The following SPNS2 variants were observed in gnomAD, a reference collection of about 807,000 sequenced individuals.
SPNS2 encodes SPNS lysolipid transporter 2, sphingosine-1-phosphate, also known as sphingosine-1-phosphate transporter SPNS2.
In SPNS2, 37 loss-of-function variants were observed where a neutral mutation model predicts 57.6. That is an observed-to-expected ratio of 0.64 (90% CI 0.49 to 0.85). SPNS2 has a LOEUF of 0.85. SPNS2 is among the 40% of genes least tolerant of loss of function. The pLI is 0.00. For synonymous variants in SPNS2, 440 were observed against 346.9 expected (o/e 1.27, Z -2.98); for missense variants, 831 against 779.1 (o/e 1.07, Z -0.79).
Position 4,536,881 on chromosome 17 carries a change from CCG to C in SPNS2, c.1608-17_1608-16del. On this transcript the variant is annotated splice_polypyrimidine_tract_variant and intron_variant, in intron 11 of 12. Coordinates refer to ENST00000329078, the MANE Select transcript of SPNS2 (RefSeq NM_001124758.3). Reference sequence around the variant, plus strand: ...CCCCGCTGATGCACCACCCTGACCCCCGCCCGTCTCTCCCCCAGGGTGAACCA... The same window carrying C: ...CCCCGCTGATGCACCACCCTGACCCCCCCGTCTCTCCCCCAGGGTGAACCA... 6.2e-7 allele frequency: 1 copy of C among 1,612,590 alleles called. No individual in the cohort carries two copies. The highest frequency in any genetic ancestry group is 1.3e-5 in the African/African-American group (1 of 75,002).
chr17:4,538,713 ACTGG>A lies in SPNS2; in HGVS notation c.*1273_*1276del. ...ACAATGCTCTTCTTGCCCCTTAGTT[ACTGG>A]CTGGCTGTGGCTTCAGTGGTGTGTA... On this transcript the variant is annotated 3_prime_UTR_variant, in exon 13 of 13. Coordinates refer to ENST00000329078, the MANE Select transcript of SPNS2 (RefSeq NM_001124758.3). The A allele has an allele frequency of 1.6e-6, 1 of 630,990 alleles. No individual in the cohort carries two copies. Among genetic ancestry groups the A allele is most frequent in the Non-Finnish European group, 2.8e-6 (1 of 355,028 alleles). The allele number at this position is 630,990 out of a possible 1,614,324, so 39.1% of individuals were successfully genotyped here. A position where few individuals can be genotyped will look rare whatever the true frequency, so the allele number is the denominator to read the frequency against.
chr17:4,538,917 C>A lies in SPNS2; in HGVS notation c.*1469C>A. The A allele has an allele frequency of 1.3e-6, 1 of 782,240 alleles. No homozygotes were observed. Among genetic ancestry groups the A allele is most frequent in the Non-Finnish European group, 2.4e-6 (1 of 419,178 alleles). 48.5% of individuals were successfully genotyped at this position (782,240 alleles called of 1,614,324 possible). A position where few individuals can be genotyped will look rare whatever the true frequency, so the allele number is the denominator to read the frequency against. On this transcript the variant is annotated 3_prime_UTR_variant, in exon 13 of 13. Transcript: ENST00000329078. ...CAGGTCCGAGTGTTGCCTCCTCTTC[C>A]TTCCGGAAGCCAAACTGCTCCTTTA...
intron 2 of SPNS2, 47 bp downstream of exon 2, chr17:4,513,359 C>T (rs951027830): frequency 5.6e-6 from 9 of 1,602,844 alleles, no homozygotes; most frequent in East Asian, 4.5e-5. Context: ...GCGTTGGCGT[C>T]GTGGGTCCTG....
chr17:4,537,390 G>A (rs1905908428), intron 12 of SPNS2, 63 bp from the exon 13 acceptor site: 1 of 398,804 alleles, frequency 2.5e-6, no homozygotes, highest in South Asian at 1.8e-5. Context: ...AGGGAAGGAG[G>A]GAGGGCAGCC....
chr17:4,530,578 G>C, intron 3 of SPNS2, 54 bp from the exon 4 acceptor site: 1 of 1,574,296 alleles, frequency 6.4e-7, no homozygotes, highest in African/African-American at 1.3e-5. Context: ...AACAAGGGAT[G>C]ACAGGCAGAC....
intron 2 of SPNS2, among the ~76,000 whole-genome samples, chr17:4,521,772 G>C (rs571575132): frequency 1.3e-5 from 2 of 152,354 alleles, no homozygotes; most frequent in Admixed American, 1.3e-4. Flanking sequence ...CCTATGGTGA[G>C]TGGCGTCTGT....
chr17:4,515,884 C>G (rs1904972267), intron 2 of SPNS2, among the ~76,000 whole-genome samples: 1 of 152,206 alleles, frequency 6.6e-6, no homozygotes, highest in African/African-American at 2.4e-5. Flanking sequence ...CCTCTTGGGA[C>G]CAGGCAGGAA....
chr17:4,500,065 T>C (rs563149821), intron 1 of SPNS2, among the ~76,000 whole-genome samples: 8 of 152,246 alleles, frequency 5.3e-5, no homozygotes, highest in Non-Finnish European at 1.2e-4. Flanking sequence ...GCTGGCCCTG[T>C]ACAGAGGCCT....
intron 2 of SPNS2, among the ~76,000 whole-genome samples, chr17:4,523,893 C>T (rs979386926): frequency 2.0e-5 from 3 of 152,126 alleles, no homozygotes; most frequent in South Asian, 2.1e-4. Flanking sequence ...TCTCCTCATT[C>T]GAATGAAAGC....
chr17:4,518,509 C>G (rs36126342), intron 2 of SPNS2, among the ~76,000 whole-genome samples: 1 of 152,020 alleles, frequency 6.6e-6, no homozygotes, highest in African/African-American at 2.4e-5. Flanking sequence ...GGCGACAGAG[C>G]GAGACTCCGT....
Position 4,536,887 on chromosome 17 carries a change from GTC to G in SPNS2, c.1608-8_1608-7del. On this transcript the variant is annotated splice_polypyrimidine_tract_variant and intron_variant, in intron 11 of 12. Coordinates refer to ENST00000329078, the MANE Select transcript of SPNS2 (RefSeq NM_001124758.3). ...TGATGCACCACCCTGACCCCCGCCCGTCTCTCCCCCAGGGTGAACCAGCTGGC... is the reference window on the plus strand; with the variant it reads ...TGATGCACCACCCTGACCCCCGCCCGTCTCCCCCAGGGTGAACCAGCTGGC... 6.2e-7 allele frequency: 1 copy of G among 1,612,932 alleles called. No individual in the cohort carries two copies. The highest frequency in any genetic ancestry group is 8.5e-7 in the Non-Finnish European group (1 of 1,179,682).
At chr17:4,502,661 G>T (rs537512476) in intron 1 of SPNS2, among the ~76,000 whole-genome samples, 24 of 152,180 alleles carry the variant, frequency 1.6e-4, no homozygotes, top group Non-Finnish European at 2.9e-4. Context: ...TGCCTCCCGG[G>T]TTGCGTGGGA....
chr17:4,533,672 G>A (rs909578946), intron 8 of SPNS2, 116 bp from the exon 9 acceptor site: 297 of 1,233,288 alleles, frequency 2.4e-4, no homozygotes, highest in Non-Finnish European at 3.1e-4. Flanking sequence ...ATGTGGGCCC[G>A]GGAGGGGTGT....
chr17:4,512,658 G>A lies in SPNS2; in HGVS notation c.371-589G>A, dbSNP rs567563658. ...TGTGTGTGTGTGCGTGCGCGCGCAC[G>A]GGTATGTGTGTGCGCGCGTGGGTGT... On this transcript the variant is annotated intron_variant, in intron 1 of 12. Transcript: ENST00000329078. This position sits in a 1 kb window ranked among gnomAD's most constrained non-coding sequence, Gnocchi z 5.2. Among the ~76,000 whole-genome samples the A allele has an allele frequency of 3.3e-5, 5 of 151,890 alleles. No individual in the cohort carries two copies. The East Asian group carries it at 5.8e-4, about 18-fold the overall frequency.
Position 4,533,505 on chromosome 17 carries a change from C to G in SPNS2, c.1278+73C>G, listed in dbSNP as rs554439583. ...GCGGGAGGGTCTGGAACAGGACATT[C>G]GGTCTGACTTACTGGATGTTCCCTT... On this transcript the variant is annotated intron_variant, in intron 8 of 12. Transcript: ENST00000329078. 116 of 1,443,730 alleles carry G rather than the reference C, an allele frequency of 8.0e-5. No individual in the cohort carries two copies. The African/African-American group carries it at 1.5e-3, about 19-fold the overall frequency. The allele number at this position is 1,443,730 out of a possible 1,614,324, so 89.4% of individuals were successfully genotyped here.
intron 2 of SPNS2, among the ~76,000 whole-genome samples, chr17:4,515,543 AC>A (rs1904962942): frequency 6.6e-6 from 1 of 152,240 alleles, no homozygotes; most frequent in East Asian, 1.9e-4. Flanking sequence ...CCTGTCACCT[AC>A]CCCGGCACAG....
At chr17:4,518,032 G>C (rs1226298803) in intron 2 of SPNS2, among the ~76,000 whole-genome samples, 5 of 152,394 alleles carry the variant, frequency 3.3e-5, no homozygotes, top group Admixed American at 2.6e-4. Context: ...AACGAAGGCT[G>C]TTTGTGGCAC....
intron 1 of SPNS2, among the ~76,000 whole-genome samples, chr17:4,503,273 C>G (rs1472052843): frequency 6.6e-6 from 1 of 152,250 alleles, no homozygotes; most frequent in Admixed American, 6.5e-5. Context: ...AGAGGCTCTG[C>G]TGGCTTAGGC....
chr17:4,536,519 G>T, intron 11 of SPNS2, 93 bp downstream of exon 11: 1 of 1,428,810 alleles, frequency 7.0e-7, no homozygotes, highest in Non-Finnish European at 9.5e-7. Flanking sequence ...GGGCGGGGAG[G>T]GTACAGACCT....
Sources: gnomAD v4.1 joint callset for allele counts (sites outside exome capture counted in the v4.1 genomes callset) on GRCh38, gnomAD v4.1.1 for gene constraint, Gnocchi (gnomAD v3.1) non-coding constraint, MANE v1.5 for transcripts, NCBI Gene and HGNC (gene_info 2026-07-23, HGNC 2026-07-21) for gene names.